The following CATSPERD variants were observed in gnomAD, a reference collection of about 807,000 sequenced individuals.
The protein encoded by CATSPERD is catsper channel auxiliary subunit delta, also known as cation channel sperm-associated auxiliary subunit delta.
CATSPERD carries 86 observed loss-of-function variants against 98.1 expected under a neutral mutation model. The ratio of observed to expected loss-of-function variants is 0.88; its 90% CI spans 0.74 to 1.05. The LOEUF (loss-of-function observed/expected upper bound fraction) is 1.05, where lower values mean the gene tolerates loss of function less well. Ranked by LOEUF, CATSPERD falls within the 50% of genes least tolerant of loss-of-function variation. The pLI is 0.00. For missense variants in CATSPERD, 995 were observed against 1,005.7 expected (o/e 0.99, Z 0.14); for synonymous variants, 394 against 390.2 (o/e 1.01, Z -0.12).
chr19:5,751,358 AC>A (rs2056214345), intron 11 of CATSPERD, among the ~76,000 whole-genome samples: 1 of 150,314 alleles, frequency 6.7e-6, no homozygotes, highest in Non-Finnish European at 1.5e-5. Flanking sequence ...CCCTGTCCCT[AC>A]TAAAAAATAC....
In CATSPERD at chr19:5,776,237, G is replaced by A; in HGVS notation, c.2018G>A (p.Gly673Asp). The stretch of plus-strand genomic sequence containing the variant: ...GACGTCCAGTATCAGATCTTGGGCG[G>A]CCGGACAGCAAACCAGATCATTTTC... Reference protein sequence around the residue: ...WPDVQYQILGGRTANQIIFGH... With the variant: ...WPDVQYQILGDRTANQIIFGH... The change falls in exon 21 of 22, where the codon GGC (glycine) becomes GAC (aspartate). Residue 673 changes from glycine to aspartate, a missense_variant. Gly to Asp is a moderately conservative substitution (Grantham distance 94). Around this residue, in one of 3 missense-constraint regions of CATSPERD, gnomAD observed 762 missense variants for 773.7 expected, o/e 0.98. Coordinates refer to ENST00000381624, the MANE Select transcript of CATSPERD (RefSeq NM_152784.4). 1 of 1,614,174 alleles carries A rather than the reference G, an allele frequency of 6.2e-7. No homozygotes were observed. The highest frequency in any genetic ancestry group is 8.5e-7 in the Non-Finnish European group (1 of 1,180,008).
chr19:5,741,886 C>T (rs1221837339), intron 7 of CATSPERD, among the ~76,000 whole-genome samples: 2 of 140,542 alleles, frequency 1.4e-5, no homozygotes, highest in Non-Finnish European at 3.0e-5. Context: ...CAAAAATTAG[C>T]TGGGTGTGGC....
rs562300076 is a variant in CATSPERD at position 5,724,557 on chromosome 19, G to C, written c.72-251G>C. On this transcript the variant is annotated intron_variant, in intron 1 of 21. Coordinates refer to ENST00000381624, the MANE Select transcript of CATSPERD (RefSeq NM_152784.4). ...TACTAAAAATATAAAAAATTAGCTA[G>C]GTGTTGTGGCGCGCGCCTGTAATCC... Among the ~76,000 whole-genome samples the C allele has an allele frequency of 9.9e-5, 15 of 152,272 alleles. No homozygotes were observed. The East Asian group carries it at 2.1e-3, about 22-fold the overall frequency.
chr19:5,737,230 A>G, intron 6 of CATSPERD, 25 bp downstream of exon 6: 1 of 1,487,436 alleles, frequency 6.7e-7, no homozygotes. Flanking sequence ...ATAATTGTTC[A>G]TTTTTTTTTG....
chr19:5,739,030 A>T (rs1446812804), intron 6 of CATSPERD, among the ~76,000 whole-genome samples: 1 of 151,012 alleles, frequency 6.6e-6, no homozygotes, highest in Non-Finnish European at 1.5e-5. Context: ...GCCCAGCCTA[A>T]CTTTGGTATT....
rs117437695 is a variant in CATSPERD at position 5,758,980 on chromosome 19, G to C, written c.1369-106G>C. The stretch of plus-strand genomic sequence containing the variant: ...GTGGGGCTAAGCGGCTTCCAGGTTC[G>C]TCCCCCCATGTCCCCTCCAACACCC... On this transcript the variant is annotated intron_variant, in intron 14 of 21. Coordinates refer to ENST00000381624, the MANE Select transcript of CATSPERD (RefSeq NM_152784.4). 5,761 of 876,646 alleles carry C rather than the reference G, an allele frequency of 6.6e-3. 32 individuals carry two copies. Among genetic ancestry groups the C allele is most frequent in the Non-Finnish European group, 9.2e-3 (4,882 of 528,972 alleles). 54.3% of individuals were successfully genotyped at this position (876,646 alleles called of 1,614,324 possible).
rs960121712 is a variant in CATSPERD, at chr19:5,745,924, G to A, written c.669G>A (p.Lys223=). Residue 223 remains lysine, a synonymous_variant, in exon 9 of 22, where the codon AAG becomes AAA. Coordinates refer to ENST00000381624, the MANE Select transcript of CATSPERD (RefSeq NM_152784.4). ...TCTTTTTCTCCCAGGGCATGTTCAAGTACTCAGATCACCCCCTCAACCGGA... is the reference window on the plus strand; with the variant it reads ...TCTTTTTCTCCCAGGGCATGTTCAAATACTCAGATCACCCCCTCAACCGGA... ...LVVNQGKGMF[K]YSDHPLNRSF... is the part of the protein sequence containing the mutation. The A allele has an allele frequency of 2.5e-6, 4 of 1,613,976 alleles. No individual in the cohort carries two copies. The African/African-American group carries it at 5.3e-5, about 22-fold the overall frequency.
At chr19:5,770,795 C>T in intron 18 of CATSPERD, 149 bp from the exon 19 acceptor site, 2 of 896,722 alleles carry the variant, frequency 2.2e-6, no homozygotes, top group South Asian at 1.7e-5. Context: ...TCATCTGGTC[C>T]ATGGCTCTCA....
chr19:5,748,623 C>CAAA (rs1179884868), intron 10 of CATSPERD, among the ~76,000 whole-genome samples: 19 of 50,366 alleles, frequency 3.8e-4, no homozygotes, highest in East Asian at 5.9e-4. Context: ...AGTGAGACTC[C>CAAA]AAAAAAAAAA....
At chr19:5,771,636 T>C (rs2056646743) in intron 19 of CATSPERD, among the ~76,000 whole-genome samples, 1 of 151,380 alleles carries the variant, frequency 6.6e-6, no homozygotes, top group Admixed American at 6.6e-5. Context: ...AATGACATGA[T>C]CTTGGCTTAC....
Position 5,763,383 on chromosome 19 carries a change from A to G in CATSPERD, c.1506+90A>G. Reference sequence around the variant, plus strand: ...CCCTGAGGTTGCAATGAGCTGAGATAGTGCCACTGCACTCCAACCTGGGTG... The same window carrying G: ...CCCTGAGGTTGCAATGAGCTGAGATGGTGCCACTGCACTCCAACCTGGGTG... On this transcript the variant is annotated intron_variant, in intron 16 of 21. Transcript: ENST00000381624. The G allele has an allele frequency of 3.0e-6, 3 of 986,706 alleles. No individual in the cohort carries two copies. The South Asian group carries it at 4.1e-5, about 13-fold the overall frequency. 61.1% of individuals were successfully genotyped at this position (986,706 alleles called of 1,614,324 possible).
rs544457475 is a variant in CATSPERD, at chr19:5,759,756, C to G, written c.1427+612C>G. On this transcript the variant is annotated intron_variant, in intron 15 of 21. Coordinates refer to ENST00000381624, the MANE Select transcript of CATSPERD (RefSeq NM_152784.4). ...AACACAGCGTGGTCCATCCGCACAT[C>G]GCAATATGACTCAGACTTAAGAAGG... 1.5e-3 allele frequency among the ~76,000 whole-genome samples: 229 copies of G among 151,738 alleles called. 2 individuals carry two copies. The highest frequency in any genetic ancestry group is 2.7e-3 in the Non-Finnish European group (185 of 67,932).
chr19:5,750,188 C>A (rs984909919), intron 11 of CATSPERD, among the ~76,000 whole-genome samples: 20 of 150,672 alleles, frequency 1.3e-4, no homozygotes, highest in African/African-American at 2.7e-4. Context: ...GTGGCTCACG[C>A]CTGTAATCCC....
intron 13 of CATSPERD, 84 bp downstream of exon 13, chr19:5,754,329 C>T: frequency 1.1e-6 from 1 of 881,074 alleles, no homozygotes; most frequent in Non-Finnish European, 1.9e-6. Context: ...AATCCCCTGG[C>T]ATCCCCCACA....
Position 5,727,309 on chromosome 19 carries a change from A to G in CATSPERD, c.168A>G (p.Lys56=). Residue 56 remains lysine (K), a synonymous_variant, in exon 3 of 22, where the codon AAA becomes AAG. Transcript: ENST00000381624. Reference sequence around the variant, plus strand: ...ATCCTACAACAACACGCTTGATTAAACATCCTTGCGAGAAAAATATAGCAC... The same window carrying G: ...ATCCTACAACAACACGCTTGATTAAGCATCCTTGCGAGAAAAATATAGCAC... The part of the protein sequence containing the change: ...YFHPTTTRLI[K]HPCEKNIALY... 6.2e-7 allele frequency: 1 copy of G among 1,613,902 alleles called. No homozygotes were observed. The highest frequency in any genetic ancestry group is 1.7e-5 in the Admixed American group (1 of 59,998).
At chr19:5,746,188 T>C (rs904764129) in intron 9 of CATSPERD, 125 bp downstream of exon 9, 1 of 994,720 alleles carries the variant, frequency 1.0e-6, no homozygotes, top group Admixed American at 2.2e-5. Flanking sequence ...TTCTCTTCCA[T>C]GTTCAGAGTG....
intron 17 of CATSPERD, among the ~76,000 whole-genome samples, chr19:5,767,508 G>C (rs1368716245): frequency 6.7e-6 from 1 of 149,622 alleles, no homozygotes; most frequent in Non-Finnish European, 1.5e-5. Context: ...TTATTATTGA[G>C]ACGGAGTCTT....
At chr19:5,766,983 G>A (rs1263319753) in intron 17 of CATSPERD, among the ~76,000 whole-genome samples, 5 of 150,494 alleles carry the variant, frequency 3.3e-5, no homozygotes, top group Admixed American at 6.7e-5. Context: ...ATGAGCCACC[G>A]CAATTGGCCT....
intron 1 of CATSPERD, among the ~76,000 whole-genome samples, chr19:5,724,511 A>G (rs940474186): frequency 2.6e-5 from 4 of 152,100 alleles, no homozygotes; most frequent in Non-Finnish European, 5.9e-5. Flanking sequence ...CAGCCTGGCC[A>G]ATGTGGTGAA....
Sources: allele counts gnomAD v4.1 joint callset (sites outside exome capture counted in the v4.1 genomes callset), GRCh38; gene constraint gnomAD v4.1.1; regional missense constraint gnomAD v4.1.1; transcripts MANE v1.5; gene names NCBI Gene and HGNC (gene_info 2026-07-23, HGNC 2026-07-21).